The following TBC1D19 variants were observed in gnomAD, a reference collection of about 807,000 sequenced individuals.
The protein encoded by TBC1D19 is TBC1 domain family member 19.
A neutral mutation model predicts 89.0 loss-of-function variants in TBC1D19; 60 were observed. The observed-to-expected ratio is 0.67, with a 90% CI of 0.55 to 0.84. The LOEUF (loss-of-function observed/expected upper bound fraction) is 0.84, where lower values mean the gene tolerates loss of function less well. Among genes scored for constraint, TBC1D19 ranks in the 40% least tolerant of loss-of-function variants. The pLI, the probability that TBC1D19 is intolerant of heterozygous loss-of-function variation, is 0.00. For missense variants in TBC1D19, 500 were observed against 610.8 expected (o/e 0.82, Z 1.91); for synonymous variants, 189 against 199.7 (o/e 0.95, Z 0.45).
At chr4:26,828,230 T>G in the TBC1D19 span, among the ~76,000 whole-genome samples, 1 of 152,206 alleles carries the variant, frequency 6.6e-6, no homozygotes, top group Non-Finnish European at 1.5e-5. Context: ...AGACTTAAAG[T>G]ATGTCATTGA....
chr4:26,614,013 T>C (rs1245151012), intron 2 of TBC1D19, among the ~76,000 whole-genome samples: 1 of 152,178 alleles, frequency 6.6e-6, no homozygotes, highest in Non-Finnish European at 1.5e-5. Flanking sequence ...GAATTATAAC[T>C]AGATACTTGT....
At chr4:26,693,984 G>A (rs1037635788) in intron 13 of TBC1D19, among the ~76,000 whole-genome samples, 11 of 152,090 alleles carry the variant, frequency 7.2e-5, no homozygotes, top group Non-Finnish European at 1.0e-4. Flanking sequence ...TGCAGAAGAT[G>A]GGTGATTTCT....
the TBC1D19 span, among the ~76,000 whole-genome samples, chr4:26,800,878 T>G: frequency 6.6e-6 from 1 of 152,366 alleles, no homozygotes. Flanking sequence ...TGTAAATTTG[T>G]TTGAGTTCAT....
intron 4 of TBC1D19, among the ~76,000 whole-genome samples, chr4:26,635,635 T>A (rs1041852524): frequency 4.6e-5 from 7 of 152,138 alleles, no homozygotes; most frequent in African/African-American, 7.2e-5. Context: ...TGCATTAAAA[T>A]TTTTTAAAAT....
At chr4:26,723,664 C>G (rs1343250768) in intron 15 of TBC1D19, among the ~76,000 whole-genome samples, 1 of 152,164 alleles carries the variant, frequency 6.6e-6, no homozygotes, top group Non-Finnish European at 1.5e-5. Context: ...AATTTCTGAA[C>G]TAAGGGAGAC....
chr4:26,705,765 T>C (rs1715688992), intron 13 of TBC1D19, among the ~76,000 whole-genome samples: 1 of 152,194 alleles, frequency 6.6e-6, no homozygotes, highest in Non-Finnish European at 1.5e-5. Flanking sequence ...TTTTTCAACA[T>C]TGTTTTGGCT....
At chr4:26,687,605 C>A (rs1229216364) in intron 12 of TBC1D19, among the ~76,000 whole-genome samples, 7 of 152,012 alleles carry the variant, frequency 4.6e-5, no homozygotes, top group Admixed American at 4.6e-4. Context: ...TAATTAATTT[C>A]TATTAATAAT....
intron 15 of TBC1D19, among the ~76,000 whole-genome samples, chr4:26,726,816 A>C (rs1446995068): frequency 4.0e-4 from 2 of 4,952 alleles, no homozygotes; most frequent in Admixed American, 5.7e-3. Context: ...GACAATGAGG[A>C]AATGAAGAGA....
chr4:26,721,301 C>T (rs2109271906), intron 15 of TBC1D19, among the ~76,000 whole-genome samples: 1 of 152,072 alleles, frequency 6.6e-6, no homozygotes, highest in East Asian at 1.9e-4. Flanking sequence ...AAACAAAAAA[C>T]AAAAACCCAC....
intron 13 of TBC1D19, among the ~76,000 whole-genome samples, chr4:26,709,209 A>G (rs965358189): frequency 3.3e-5 from 5 of 151,946 alleles, no homozygotes; most frequent in African/African-American, 1.2e-4. Flanking sequence ...CTGAGGTATA[A>G]ATCTAACATC....
chr4:26,591,858 C>T (rs1161973335), intron 1 of TBC1D19, among the ~76,000 whole-genome samples: 2 of 152,154 alleles, frequency 1.3e-5, no homozygotes, highest in African/African-American at 2.4e-5. Context: ...AGCTTACCAA[C>T]CAAAAATAGT....
At chr4:26,804,663 G>A in the TBC1D19 span, among the ~76,000 whole-genome samples, 1 of 152,094 alleles carries the variant, frequency 6.6e-6, no homozygotes, top group Non-Finnish European at 1.5e-5. Context: ...CAGGCCCGGC[G>A]GGCGGGAGCA....
the TBC1D19 span, among the ~76,000 whole-genome samples, chr4:26,786,065 G>A: frequency 6.6e-6 from 1 of 152,156 alleles, no homozygotes; most frequent in Non-Finnish European, 1.5e-5. Context: ...CTGTCAAAAG[G>A]TTTTGAAAGA....
At chr4:26,789,172 A>G in the TBC1D19 span, among the ~76,000 whole-genome samples, 3 of 152,220 alleles carry the variant, frequency 2.0e-5, no homozygotes, top group Non-Finnish European at 4.4e-5. Context: ...TTAAACTTCT[A>G]TACCTTGGTG....
the TBC1D19 span, among the ~76,000 whole-genome samples, chr4:26,777,959 G>A: frequency 6.6e-6 from 1 of 152,058 alleles, no homozygotes; most frequent in Non-Finnish European, 1.5e-5. Flanking sequence ...AGTGGTCCAA[G>A]CTACTGAGGA....
Position 26,591,709 on chromosome 4 carries a change from C to T in TBC1D19, c.99+7417C>T, listed in dbSNP as rs1739820885. On this transcript the variant is annotated intron_variant, in intron 1 of 20. Coordinates refer to ENST00000264866, the MANE Select transcript of TBC1D19 (RefSeq NM_018317.4). Reference sequence around the variant, plus strand: ...CTACCATCAGAGAATACTATAAACACATCTACGCAAATAAACTAGAAAATC... The same window carrying T: ...CTACCATCAGAGAATACTATAAACATATCTACGCAAATAAACTAGAAAATC... 2.0e-5 allele frequency among the ~76,000 whole-genome samples: 3 copies of T among 152,288 alleles called. No homozygotes were observed. In the South Asian group the frequency reaches 6.2e-4, roughly 32 times the overall value.
intron 4 of TBC1D19, among the ~76,000 whole-genome samples, chr4:26,629,754 A>G (rs1742681518): frequency 6.6e-6 from 1 of 152,050 alleles, no homozygotes; most frequent in Non-Finnish European, 1.5e-5. Flanking sequence ...CCATTTTTGA[A>G]GAATTATAAT....
chr4:26,752,736 G>C (rs1719037804), intron 19 of TBC1D19, among the ~76,000 whole-genome samples: 4 of 152,116 alleles, frequency 2.6e-5, no homozygotes, highest in Admixed American at 2.0e-4. Flanking sequence ...TCCCTCACAT[G>C]GAGTTTTATG....
chr4:26,687,966 A>G (rs1386874754), intron 12 of TBC1D19, among the ~76,000 whole-genome samples: 1 of 152,168 alleles, frequency 6.6e-6, no homozygotes, highest in Non-Finnish European at 1.5e-5. Context: ...GGGAATGGCA[A>G]GAATTTGGAC....
Sources: allele counts gnomAD v4.1 joint callset (sites outside exome capture counted in the v4.1 genomes callset), GRCh38; gene constraint gnomAD v4.1.1; transcripts MANE v1.5; gene names NCBI Gene and HGNC (gene_info 2026-07-23, HGNC 2026-07-21).